Variants in ACVR1 observed in about 807,000 individuals in gnomAD.
ACVR1 encodes the protein activin A receptor type 1, also known as activin receptor type-1.
In ACVR1, 38 loss-of-function variants were observed where a neutral mutation model predicts 57.1. The observed-to-expected ratio is 0.67, with a 90% CI of 0.51 to 0.87. The LOEUF (loss-of-function observed/expected upper bound fraction) is 0.87. Ranked by LOEUF, ACVR1 falls within the 40% of genes least tolerant of loss-of-function variation. ACVR1 has a pLI of 0.00. For synonymous variants in ACVR1, 212 were observed against 228.1 expected, an observed-to-expected ratio of 0.93 and a Z score of 0.63; for missense variants, 463 against 638.2, an observed-to-expected ratio of 0.73 and a Z score of 2.96.
At chr2:157,864,505 T>C (rs1176141657) in intron 1 of ACVR1, among the ~76,000 whole-genome samples, 1 of 152,208 alleles carries the variant, frequency 6.6e-6, no homozygotes, top group Non-Finnish European at 1.5e-5. Context: ...TGATCCACTA[T>C]AATCACACTT....
chr2:157,828,441 C>G (rs1013477646), intron 1 of ACVR1, among the ~76,000 whole-genome samples: 2 of 129,974 alleles, frequency 1.5e-5, no homozygotes, highest in African/African-American at 5.6e-5. Context: ...CAGAGCAAGA[C>G]TCCGTCTCAA....
intron 9 of ACVR1, among the ~76,000 whole-genome samples, chr2:157,760,113 A>T (rs1402067932): frequency 6.6e-6 from 1 of 152,232 alleles, no homozygotes; most frequent in Admixed American, 6.5e-5. Context: ...CAAGCAAGAC[A>T]AAGAAATAAA....
intron 2 of ACVR1, among the ~76,000 whole-genome samples, chr2:157,813,842 A>C (rs1235361498): frequency 1.3e-5 from 2 of 152,232 alleles, no homozygotes; most frequent in Non-Finnish European, 2.9e-5. Flanking sequence ...CTAGAGAAAA[A>C]TTCATTTGAA....
chr2:157,767,060 T>C (rs1321009989), intron 7 of ACVR1, among the ~76,000 whole-genome samples: 1 of 152,030 alleles, frequency 6.6e-6, no homozygotes, highest in Non-Finnish European at 1.5e-5. Context: ...AGACGAAGTT[T>C]CCCTCTTGTT....
chr2:157,780,170 G>A (rs1171928774), intron 4 of ACVR1, among the ~76,000 whole-genome samples, 167 bp downstream of exon 4: 1 of 152,154 alleles, frequency 6.6e-6, no homozygotes, highest in African/African-American at 2.4e-5. Context: ...ATGCCAAAAG[G>A]CTGTTCCTTT....
chr2:157,861,126 AGTG>A (rs1321734538), intron 1 of ACVR1, among the ~76,000 whole-genome samples: 12 of 152,240 alleles, frequency 7.9e-5, no homozygotes, highest in African/African-American at 2.9e-4. Context: ...GATGACCTCC[AGTG>A]CCCTCAAACA....
chr2:157,764,499 C>T (rs1685790558), intron 8 of ACVR1, among the ~76,000 whole-genome samples: 1 of 151,804 alleles, frequency 6.6e-6, no homozygotes, highest in African/African-American at 2.4e-5. Flanking sequence ...TGAGCCACCG[C>T]GCCCGGCCAC....
chr2:157,769,889 G>A (rs1311107570), intron 7 of ACVR1, among the ~76,000 whole-genome samples: 1 of 152,156 alleles, frequency 6.6e-6, no homozygotes, highest in African/African-American at 2.4e-5. Context: ...AAATTAAAAT[G>A]TATCCTGAAT....
At chr2:157,751,717 A>G (rs1685199147) in intron 9 of ACVR1, among the ~76,000 whole-genome samples, 1 of 152,160 alleles carries the variant, frequency 6.6e-6, no homozygotes, top group Non-Finnish European at 1.5e-5. Flanking sequence ...TGCATGACAC[A>G]GCAGAGGCAG....
At chr2:157,813,645 T>G (rs373294732) in intron 2 of ACVR1, among the ~76,000 whole-genome samples, 1 of 152,292 alleles carries the variant, frequency 6.6e-6, no homozygotes, top group Non-Finnish European at 1.5e-5. Context: ...CAACAATTAC[T>G]AGAACCACAG....
chr2:157,870,905 G>A (rs1282805518), intron 1 of ACVR1, among the ~76,000 whole-genome samples: 1 of 152,178 alleles, frequency 6.6e-6, no homozygotes, highest in African/African-American at 2.4e-5. Context: ...GGACCACAGT[G>A]ACTGGTATCA....
At position 157,770,474 on chromosome 2, in the gene ACVR1, T is replaced by G. The variant is rs1271017134; in HGVS notation, c.684A>C (p.Gln228His). The G allele has an allele frequency of 6.2e-7, 1 of 1,613,956 alleles. No individual in the cohort carries two copies. Among genetic ancestry groups the G allele is most frequent in the East Asian group, 2.2e-5 (1 of 44,882 alleles). ...RYGEVWRGSW[Q>H]GENVAVKIFS... ...AGATCTTCACGGCAACATTCTCCCC[T>G]TGCCAGCTGCCCCTCCACACCTCAC... Residue 228 changes from glutamine (Q) to histidine (H), a missense_variant, in exon 7 of 11, where the codon CAA (glutamine) becomes CAC (histidine). Physicochemically the swap from Gln to His is conservative, Grantham distance 24. Coordinates refer to ENST00000434821, the MANE Select transcript of ACVR1 (RefSeq NM_001111067.4).
At chr2:157,823,346 C>G (rs1688223055) in intron 1 of ACVR1, among the ~76,000 whole-genome samples, 1 of 152,074 alleles carries the variant, frequency 6.6e-6, no homozygotes, top group Admixed American at 6.5e-5. Context: ...ATATATTTCC[C>G]AAGAAATCCT....
intron 2 of ACVR1, among the ~76,000 whole-genome samples, chr2:157,799,845 T>C (rs2105306687): frequency 6.6e-6 from 1 of 152,306 alleles, no homozygotes; most frequent in Non-Finnish European, 1.5e-5. Flanking sequence ...CCCCATTGAA[T>C]GCAAAATTGG....
At chr2:157,784,594 T>A (rs1686644590) in intron 3 of ACVR1, among the ~76,000 whole-genome samples, 1 of 152,240 alleles carries the variant, frequency 6.6e-6, no homozygotes, top group Admixed American at 6.5e-5. Context: ...GCCCTTTGTA[T>A]CACCAGAGCC....
intron 5 of ACVR1, 151 bp from the exon 6 acceptor site, chr2:157,774,338 G>A: frequency 4.3e-6 from 3 of 701,246 alleles, no homozygotes; most frequent in South Asian, 3.0e-5. Flanking sequence ...TCTGGAAGAA[G>A]GAAGAAGGAC....
In ACVR1 at chr2:157,876,322, G is replaced by A. The variant is rs1690301617; in HGVS notation, c.-709C>T. ...GGAGGCTGCGGCGGCGGCGGCGGCT[G>A]CAAAGAGCAGGAGCCGGAGCGGGAG... On this transcript the variant is annotated 5_prime_UTR_variant, in exon 1 of 11. Coordinates refer to ENST00000434821, the MANE Select transcript of ACVR1 (RefSeq NM_001111067.4). Among the ~76,000 whole-genome samples the A allele has an allele frequency of 6.6e-6, 1 of 151,410 alleles. No individual in the cohort carries two copies. Among genetic ancestry groups the A allele is most frequent in the Non-Finnish European group, 1.5e-5 (1 of 67,734 alleles).
At chr2:157,782,732 A>C (rs997588997) in intron 3 of ACVR1, among the ~76,000 whole-genome samples, 5 of 152,212 alleles carry the variant, frequency 3.3e-5, no homozygotes, top group Non-Finnish European at 5.9e-5. Flanking sequence ...TCATGGTGTC[A>C]GACTAATTTG....
chr2:157,806,400 C>T (rs752130052), intron 2 of ACVR1, among the ~76,000 whole-genome samples: 1 of 152,104 alleles, frequency 6.6e-6, no homozygotes, highest in African/African-American at 2.4e-5. Context: ...TCCTCCATCC[C>T]TACTCTTCAG....
Sources: allele counts gnomAD v4.1 joint callset (sites outside exome capture counted in the v4.1 genomes callset), GRCh38; gene constraint gnomAD v4.1.1; transcripts MANE v1.5; gene names NCBI Gene and HGNC (gene_info 2026-07-23, HGNC 2026-07-21).